TNRC6A: variants seen among roughly 807,000 people sequenced by gnomAD.
TNRC6A encodes the protein trinucleotide repeat containing adaptor 6A.
A neutral mutation model predicts 221.2 loss-of-function variants in TNRC6A; 44 were observed. The ratio of observed to expected loss-of-function variants is 0.20; its 90% CI spans 0.16 to 0.26. The LOEUF (loss-of-function observed/expected upper bound fraction) is 0.26, where lower values mean the gene tolerates loss of function less well. TNRC6A is among the 10% of genes least tolerant of loss of function. The probability of loss-of-function intolerance (pLI) is 1.00; values close to 1 mark genes in which losing one functional copy is unlikely to be tolerated. For missense variants in TNRC6A, 2,199 were observed against 2,404.4 expected (o/e 0.91, Z 1.79); for synonymous variants, 847 against 838.5 (o/e 1.01, Z -0.18).
intron 1 of TNRC6A, among the ~76,000 whole-genome samples, chr16:24,618,959 G>A (rs927529592): frequency 6.6e-6 from 1 of 152,132 alleles, no homozygotes; most frequent in African/African-American, 2.4e-5. Flanking sequence ...GAATAGTACA[G>A]TAGTTCATAT....
rs1376520204 is a variant in TNRC6A, at chr16:24,789,443, C to T, written c.801C>T (p.Asn267=). The change falls in exon 6 of 25, where the codon AAC becomes AAT. Residue 267 remains asparagine (N), a synonymous_variant. Transcript: ENST00000395799. The stretch of plus-strand genomic sequence containing the variant: ...CCTCCAGTTCTGAATCAGAGAGAAA[C>T]ATCACTATCATGGCTTCAGGGAACA... ...DSASSSESER[N]ITIMASGNTG... 3 of 1,614,062 alleles carry T rather than the reference C, an allele frequency of 1.9e-6. No homozygotes were observed. Among genetic ancestry groups the T allele is most frequent in the Non-Finnish European group, 2.5e-6 (3 of 1,180,038 alleles).
intron 2 of TNRC6A, among the ~76,000 whole-genome samples, chr16:24,680,819 GCA>G (rs1248857632): frequency 2.6e-5 from 4 of 151,750 alleles, no homozygotes; most frequent in Admixed American, 1.3e-4. Flanking sequence ...GACTGCAATG[GCA>G]CGATTTCAGC....
At position 24,644,081 on chromosome 16, in the gene TNRC6A, A is replaced by ATTTTTTTTT. The variant is rs748251760; in HGVS notation, n.402+3087_402+3095dup. Among the ~76,000 whole-genome samples, 29 of 81,556 alleles carry ATTTTTTTTT rather than the reference A, an allele frequency of 3.6e-4. 2 individuals carry two copies. Among genetic ancestry groups the ATTTTTTTTT allele is most frequent in the African/African-American group, 5.8e-4 (11 of 18,806 alleles). 53.5% of individuals were successfully genotyped at this position (81,556 alleles called of 152,430 possible). On this transcript the variant is annotated intron_variant and non_coding_transcript_variant, in intron 2 of 2. Transcript: ENST00000566108. ...TTGTTTGTTTTGTTTCTTATCTTTA[A>ATTTTTTTTT]TTTTTTTTTTTTTTTTTTTTTTTGA...
chr16:24,666,461 G>GACTCC (rs2055163285), intron 2 of TNRC6A, among the ~76,000 whole-genome samples: 1 of 126,186 alleles, frequency 7.9e-6, no homozygotes, highest in Non-Finnish European at 1.6e-5. Context: ...AACAGAGCAA[G>GACTCC]ACTCCGTCTC....
upstream of TNRC6A, among the ~76,000 whole-genome samples, chr16:24,728,463 A>G (rs1452302897): frequency 7.1e-6 from 1 of 140,504 alleles, no homozygotes; most frequent in Non-Finnish European, 1.6e-5. Context: ...ATGATAATAT[A>G]ATAAAAAAAT....
chr16:24,785,809 C>T (rs1286622105), intron 5 of TNRC6A, among the ~76,000 whole-genome samples: 4 of 152,208 alleles, frequency 2.6e-5, no homozygotes, highest in Admixed American at 1.3e-4. Context: ...ACACACTTAA[C>T]GCACGCAAAT....
At chr16:24,737,412 AT>A in intron 2 of TNRC6A, among the ~76,000 whole-genome samples, 1 of 152,328 alleles carries the variant, frequency 6.6e-6, no homozygotes. Context: ...CCTATTTAAG[AT>A]GTCTTATTTT....
At chr16:24,821,809 A>T in intron 22 of TNRC6A, 1 of 497,262 alleles carries the variant, frequency 2.0e-6, no homozygotes, top group Non-Finnish European at 3.6e-6. Context: ...TCTCAAAAAG[A>T]TGCAGCCTTT....
At chr16:24,699,462 A>G (rs999090782) in intron 2 of TNRC6A, among the ~76,000 whole-genome samples, 3 of 152,170 alleles carry the variant, frequency 2.0e-5, no homozygotes, top group African/African-American at 7.2e-5. Flanking sequence ...TCACACCTGT[A>G]ATGCCAGCAG....
chr16:24,819,611 C>T (rs2058728600), intron 21 of TNRC6A: 1 of 155,586 alleles, frequency 6.4e-6, no homozygotes, highest in Non-Finnish European at 1.4e-5. Flanking sequence ...CTTACCCACT[C>T]TGTCTTCAGT....
intron 1 of TNRC6A, among the ~76,000 whole-genome samples, chr16:24,629,150 G>C (rs1901195589): frequency 1.3e-5 from 2 of 151,664 alleles, no homozygotes; most frequent in Admixed American, 6.6e-5. Flanking sequence ...TTTTTTATTT[G>C]TTCTTGTATC....
At chr16:24,626,728 C>T (rs890927531) in intron 1 of TNRC6A, among the ~76,000 whole-genome samples, 1 of 149,082 alleles carries the variant, frequency 6.7e-6, no homozygotes, top group Non-Finnish European at 1.5e-5. Context: ...CCGCTCACTG[C>T]AAGCTCCGCC....
At chr16:24,774,196 G>A (rs2057673305) in intron 4 of TNRC6A, among the ~76,000 whole-genome samples, 2 of 152,154 alleles carry the variant, frequency 1.3e-5, no homozygotes, top group African/African-American at 2.4e-5. Flanking sequence ...GTATTAGTCA[G>A]TATTGATATT....
intron 22 of TNRC6A, among the ~76,000 whole-genome samples, chr16:24,821,425 G>A (rs887615497): frequency 1.4e-4 from 21 of 152,190 alleles, no homozygotes; most frequent in African/African-American, 4.8e-4. Flanking sequence ...AAAGGCTCCC[G>A]TTGGAGTGAT....
intron 2 of TNRC6A, among the ~76,000 whole-genome samples, chr16:24,649,555 C>T (rs1902513768): frequency 6.6e-6 from 1 of 152,026 alleles, no homozygotes; most frequent in Non-Finnish European, 1.5e-5. Context: ...GAAATCCTCC[C>T]ACCTCTGCCT....
chr16:24,804,424 A>G, intron 12 of TNRC6A, 105 bp downstream of exon 12: 1 of 1,316,476 alleles, frequency 7.6e-7, no homozygotes, highest in Non-Finnish European at 1.0e-6. Context: ...AAGTGTTACA[A>G]TCCACTACCA....
upstream of TNRC6A, among the ~76,000 whole-genome samples, chr16:24,727,164 G>C (rs2056506295): frequency 6.6e-6 from 1 of 151,912 alleles, no homozygotes. Flanking sequence ...CAATTAGCTG[G>C]GATTACAGGC....
In TNRC6A at chr16:24,791,533, A is replaced by G. The variant is rs1480101951; in HGVS notation, c.2891A>G (p.Lys964Arg). The change falls in exon 6 of 25, where the codon AAA (lysine) becomes AGA (arginine). Residue 964 changes from lysine to arginine, a missense_variant. Lys to Arg is a conservative substitution (Grantham distance 26). Coordinates refer to ENST00000395799, the MANE Select transcript of TNRC6A (RefSeq NM_014494.4). ...GSWGIPPATG[K>R]PPGTGWLGGP... ...TGGGGAATCCCACCAGCTACAGGCA[A>G]ACCTCCTGGTACAGGCTGGCTGGGG... The G allele has an allele frequency of 9.7e-6, 15 of 1,538,948 alleles. No individual in the cohort carries two copies. The East Asian group carries it at 2.5e-4, about 25-fold the overall frequency.
intron 21 of TNRC6A, 114 bp downstream of exon 21, chr16:24,818,814 T>C (rs748118204): frequency 1.0e-5 from 8 of 802,678 alleles, no homozygotes; most frequent in African/African-American, 1.7e-5. Flanking sequence ...AGATTCTGTT[T>C]GTGAGCCTGG....
Sources: allele counts gnomAD v4.1 joint callset (sites outside exome capture counted in the v4.1 genomes callset), GRCh38; gene constraint gnomAD v4.1.1; transcripts MANE v1.5; gene names NCBI Gene and HGNC (gene_info 2026-07-23, HGNC 2026-07-21).